Variants in CKLF observed in about 807,000 individuals in gnomAD.
CKLF encodes chemokine like factor.
A neutral mutation model predicts 12.9 loss-of-function variants in CKLF; 16 were observed. The ratio of observed to expected loss-of-function variants is 1.24; its 90% CI spans 0.84 to 1.88. The LOEUF (loss-of-function observed/expected upper bound fraction) is 1.88. Among genes scored for constraint, CKLF ranks in the 40% most tolerant of loss-of-function variants. The pLI is 0.00. For missense variants in CKLF, 172 were observed against 188.5 expected, an observed-to-expected ratio of 0.91 and a Z score of 0.51; for synonymous variants, 61 against 69.0, an observed-to-expected ratio of 0.88 and a Z score of 0.57.
intron 2 of CKLF, among the ~76,000 whole-genome samples, chr16:66,559,863 G>C: frequency 6.6e-6 from 1 of 152,150 alleles, no homozygotes. Context: ...TTCTGATCTT[G>C]ATCTAATGAA....
At chr16:66,564,007 C>G (rs1387361859) in intron 3 of CKLF, among the ~76,000 whole-genome samples, 1 of 152,216 alleles carries the variant, frequency 6.6e-6, no homozygotes, top group Admixed American at 6.5e-5. Context: ...TGATTTTCAT[C>G]TCCCTTAGGC....
intron 2 of CKLF, chr16:66,558,556 C>T: frequency 1.9e-6 from 1 of 521,716 alleles, no homozygotes; most frequent in Non-Finnish European, 3.2e-6. Flanking sequence ...AAGTTCTCTG[C>T]ACCATCTATC....
chr16:66,558,188 A>G lies in CKLF; in HGVS notation c.79-2A>G. The G allele has an allele frequency of 1.2e-6, 2 of 1,606,486 alleles. No individual in the cohort carries two copies. The highest frequency in any genetic ancestry group is 1.7e-6 in the Non-Finnish European group (2 of 1,178,404). On this transcript the variant is annotated splice_acceptor_variant, in intron 1 of 3. Coordinates refer to ENST00000264001, the MANE Select transcript of CKLF (RefSeq NM_016951.4). LOFTEE classifies it high-confidence loss of function. ...AATAAATCGTGGGTTTTTTTCTTCTAGGCACTAACTGTGACATCTATGACC... is the reference window on the plus strand; with the variant it reads ...AATAAATCGTGGGTTTTTTTCTTCTGGGCACTAACTGTGACATCTATGACC...
chr16:66,566,164 G>A (rs1314798801), downstream of CKLF: 3 of 1,570,832 alleles, frequency 1.9e-6, no homozygotes, highest in East Asian at 4.7e-5. The surrounding 1 kb of genome is among the most constrained non-coding windows in gnomAD (Gnocchi z 4.9). Flanking sequence ...AACTTCCAAG[G>A]GAGCGCTGGG....
In CKLF at chr16:66,552,782, ATGCTGCGGC is replaced by A; in HGVS notation, c.70_78del (p.Leu24_Leu26del). The A allele has an allele frequency of 6.2e-7, 1 of 1,614,066 alleles. No individual in the cohort carries two copies. Among genetic ancestry groups the A allele is most frequent in the Non-Finnish European group, 8.5e-7 (1 of 1,179,930 alleles). ...CTTCAGTGTGAAAGGCCACGTGAAG[ATGCTGCGGC>A]TGGTGAGGCCGGGCCGCGGAGGGCG... On this transcript the variant is annotated inframe_deletion and splice_region_variant, in exon 1 of 4. Transcript: ENST00000264001.
At chr16:66,562,704 CTT>C (rs2011818166) in intron 2 of CKLF, among the ~76,000 whole-genome samples, 1 of 152,094 alleles carries the variant, frequency 6.6e-6, no homozygotes, top group African/African-American at 2.4e-5. Context: ...TAAAATGAAA[CTT>C]TCAAAATATT....
rs766599378 is a variant in CKLF, at chr16:66,563,192, C to A, written c.308C>A (p.Thr103Asn). 2.1e-5 allele frequency: 34 copies of A among 1,613,958 alleles called. 1 individual carries two copies. The South Asian group carries it at 3.3e-4, about 16-fold the overall frequency. ...IVSVLALIPETTTLTVGGGVF... is the reference protein window; with the variant it reads ...IVSVLALIPENTTLTVGGGVF... ...TCTGTGTTGGCACTGATACCAGAAA[C>A]CACAACATTGACAGTTGGTGGAGGG... Residue 103 changes from threonine (T) to asparagine (N), a missense_variant, in exon 3 of 4, where the codon ACC becomes AAC. Coordinates refer to ENST00000264001, the MANE Select transcript of CKLF (RefSeq NM_016951.4).
Sources: allele counts gnomAD v4.1 joint callset (sites outside exome capture counted in the v4.1 genomes callset), GRCh38; gene constraint gnomAD v4.1.1; non-coding constraint Gnocchi (gnomAD v3.1); transcripts MANE v1.5; gene names NCBI Gene and HGNC (gene_info 2026-07-23, HGNC 2026-07-21).